Variants in MEI4 observed in about 807,000 individuals in gnomAD.
MEI4 encodes meiosis-specific protein MEI4.
Under a neutral mutation model 31.4 loss-of-function variants are expected in MEI4, and 27 were observed. The observed-to-expected ratio is 0.86, with a 90% CI of 0.63 to 1.19. The LOEUF (loss-of-function observed/expected upper bound fraction) is 1.19, where lower values mean the gene tolerates loss of function less well. Ranked by LOEUF, MEI4 falls within the 50% of genes most tolerant of loss-of-function variation. MEI4 has a pLI of 0.00. For missense variants in MEI4, 329 were observed against 398.9 expected (o/e 0.82, Z 1.49); for synonymous variants, 122 against 145.4 (o/e 0.84, Z 1.16).
chr6:77,857,142 T>G (rs1770765500), intron 4 of MEI4, among the ~76,000 whole-genome samples: 1 of 152,180 alleles, frequency 6.6e-6, no homozygotes, highest in Non-Finnish European at 1.5e-5. Context: ...TTACATTGTG[T>G]TGGCAACTTT....
intron 3 of MEI4, among the ~76,000 whole-genome samples, chr6:77,803,862 T>G (rs991194245): frequency 2.5e-4 from 38 of 152,170 alleles, no homozygotes; most frequent in African/African-American, 8.9e-4. Context: ...CCCAGCCATG[T>G]GAGTTGTCAG....
intron 2 of MEI4, among the ~76,000 whole-genome samples, chr6:77,711,179 G>C (rs1416720777): frequency 6.6e-6 from 1 of 152,150 alleles, no homozygotes; most frequent in Non-Finnish European, 1.5e-5. Context: ...GTACAGTATA[G>C]TGACTGTAGT....
intron 3 of MEI4, among the ~76,000 whole-genome samples, chr6:77,764,508 T>C (rs1009326282): frequency 1.3e-5 from 2 of 152,222 alleles, no homozygotes; most frequent in African/African-American, 2.4e-5. Context: ...TTATTCTTCA[T>C]AGTGGACTTT....
At chr6:77,885,074 A>G (rs1412508652) in intron 4 of MEI4, among the ~76,000 whole-genome samples, 3 of 149,176 alleles carry the variant, frequency 2.0e-5, no homozygotes, top group East Asian at 1.9e-4. Context: ...TGTCACCTCT[A>G]TGGTTAGATT....
At chr6:77,870,864 C>A (rs191595370) in intron 4 of MEI4, among the ~76,000 whole-genome samples, 4 of 152,292 alleles carry the variant, frequency 2.6e-5, no homozygotes, top group Admixed American at 6.5e-5. Context: ...GAAACTACTT[C>A]TCCCTTTTAA....
intron 3 of MEI4, among the ~76,000 whole-genome samples, chr6:77,783,927 G>A (rs1193816599): frequency 3.5e-5 from 5 of 144,412 alleles, no homozygotes; most frequent in Non-Finnish European, 6.0e-5. Context: ...GAATAATACT[G>A]AATATATAGC....
intron 4 of MEI4, among the ~76,000 whole-genome samples, chr6:77,908,631 G>C (rs1028756353): frequency 6.6e-6 from 1 of 152,072 alleles, no homozygotes; most frequent in African/African-American, 2.4e-5. Context: ...GGCAATGTGG[G>C]CTCTTTTTTG....
chr6:77,730,778 TC>T (rs1282663698), intron 2 of MEI4, among the ~76,000 whole-genome samples: 1 of 84,858 alleles, frequency 1.2e-5, no homozygotes, highest in Non-Finnish European at 2.3e-5. Flanking sequence ...CCCTCGCCCC[TC>T]CCCCCACCCC....
intron 3 of MEI4, among the ~76,000 whole-genome samples, chr6:77,822,688 C>T (rs1300403848): frequency 4.2e-5 from 6 of 143,028 alleles, no homozygotes; most frequent in South Asian, 2.6e-4. Flanking sequence ...GGCAGGATCT[C>T]GGCTCACTGC....
intron 3 of MEI4, among the ~76,000 whole-genome samples, chr6:77,800,020 A>C (rs1769203055): frequency 6.6e-6 from 1 of 152,088 alleles, no homozygotes. Context: ...AGTTTTTTCC[A>C]ATTCTGTGAA....
At chr6:77,732,341 C>T (rs1324329821) in intron 2 of MEI4, among the ~76,000 whole-genome samples, 1 of 152,082 alleles carries the variant, frequency 6.6e-6, no homozygotes, top group Non-Finnish European at 1.5e-5. Context: ...AAAGGTCCTT[C>T]ACATCCCTTG....
intron 2 of MEI4, among the ~76,000 whole-genome samples, chr6:77,729,256 A>G (rs1185788018): frequency 6.6e-6 from 1 of 152,210 alleles, no homozygotes; most frequent in Admixed American, 6.5e-5. Context: ...GTGTCCCATT[A>G]CTGGAACTCT....
chr6:77,922,081 G>A (rs1164906809), intron 4 of MEI4, among the ~76,000 whole-genome samples: 1 of 151,620 alleles, frequency 6.6e-6, no homozygotes, highest in Non-Finnish European at 1.5e-5. Context: ...GTACAATAAT[G>A]TAAAGCACAC....
At position 77,699,512 on chromosome 6, in the gene MEI4, C is replaced by A. The variant is rs1401031794; in HGVS notation, c.232+8609C>A. The stretch of plus-strand genomic sequence containing the variant: ...CGGCCCAAAGTTTCTATCTTCTTTG[C>A]CATTGGTTTGAATTTCCTCCTCTAG... On this transcript the variant is annotated intron_variant, in intron 2 of 4. Coordinates refer to ENST00000684080, the MANE Select transcript of MEI4 (RefSeq NM_001322247.2). Among the ~76,000 whole-genome samples the A allele has an allele frequency of 4.6e-5, 7 of 152,292 alleles. No homozygotes were observed. In the East Asian group the frequency reaches 1.4e-3, roughly 29 times the overall value.
intron 4 of MEI4, among the ~76,000 whole-genome samples, chr6:77,912,017 G>C (rs555035332): frequency 6.6e-6 from 1 of 152,014 alleles, no homozygotes; most frequent in South Asian, 2.1e-4. Context: ...TGGAGAGGTA[G>C]TGGGGTCCAT....
At chr6:77,652,610 A>C (rs529057678), upstream of MEI4, among the ~76,000 whole-genome samples, 1 of 152,316 alleles carries the variant, frequency 6.6e-6, no homozygotes, top group South Asian at 2.1e-4. Flanking sequence ...TTAGAATATA[A>C]CTTAATGTTA....
In MEI4 at chr6:77,820,963, A is replaced by G. The variant is rs892401701; in HGVS notation, c.769-7968A>G. ...TAAAGATACTATAGCTTCTTATTCT[A>G]TTCTCTATGTCTCTTAACCTCTACT... On this transcript the variant is annotated intron_variant, in intron 3 of 4. Coordinates refer to ENST00000684080, the MANE Select transcript of MEI4 (RefSeq NM_001322247.2). This position sits in a 1 kb window ranked among gnomAD's most constrained non-coding sequence, Gnocchi z 4.5. 8.6e-5 allele frequency among the ~76,000 whole-genome samples: 13 copies of G among 150,556 alleles called. No homozygotes were observed. The highest frequency in any genetic ancestry group is 2.7e-4 in the African/African-American group (11 of 40,934).
intron 4 of MEI4, among the ~76,000 whole-genome samples, chr6:77,878,199 AAATAAGT>A (rs765740205): frequency 3.2e-4 from 48 of 149,540 alleles, no homozygotes; most frequent in African/African-American, 1.0e-3. Flanking sequence ...GGATCAGATA[AAATAAGT>A]AATAAGTAAA....
chr6:77,889,165 G>C (rs58186936), intron 4 of MEI4, among the ~76,000 whole-genome samples: 1 of 152,096 alleles, frequency 6.6e-6, no homozygotes, highest in Non-Finnish European at 1.5e-5. Flanking sequence ...GGTATCTGCT[G>C]TTGTCCCCAC....
Sources: allele counts gnomAD v4.1 joint callset (sites outside exome capture counted in the v4.1 genomes callset), GRCh38; gene constraint gnomAD v4.1.1; non-coding constraint Gnocchi (gnomAD v3.1); transcripts MANE v1.5; gene names NCBI Gene and HGNC (gene_info 2026-07-23, HGNC 2026-07-21).